The following RANBP17 variants were observed in gnomAD, a reference collection of about 807,000 sequenced individuals.
The protein encoded by RANBP17 is RAN binding protein 17.
Under a neutral mutation model 141.2 loss-of-function variants are expected in RANBP17, and 158 were observed. That is an observed-to-expected ratio of 1.12 (90% confidence interval 0.98 to 1.28). RANBP17 has a LOEUF of 1.28. Among genes scored for constraint, RANBP17 ranks in the 50% most tolerant of loss-of-function variants. RANBP17 has a pLI of 0.00. For missense variants in RANBP17, 1,438 were observed against 1,290.7 expected (o/e 1.11, Z -1.75); for synonymous variants, 430 against 450.0 (o/e 0.96, Z 0.56).
intron 11 of RANBP17, among the ~76,000 whole-genome samples, chr5:170,923,781 A>C (rs1772675274): frequency 6.6e-6 from 1 of 151,920 alleles, no homozygotes; most frequent in Non-Finnish European, 1.5e-5. Flanking sequence ...TTTAAATTTG[A>C]ATTTCTAGTT....
intron 19 of RANBP17, among the ~76,000 whole-genome samples, chr5:171,205,044 C>A (rs1762493777): frequency 6.6e-6 from 1 of 152,054 alleles, no homozygotes; most frequent in Non-Finnish European, 1.5e-5. Flanking sequence ...GGTCACTTGG[C>A]CAGTTTTATT....
rs1776760843 is a variant in RANBP17 at position 170,968,538 on chromosome 5, T to A, written c.1710+161T>A. 5.7e-6 allele frequency: 4 copies of A among 705,042 alleles called. No individual in the cohort carries two copies. The East Asian group carries it at 1.1e-4, about 20-fold the overall frequency. The allele number at this position is 705,042 out of a possible 1,614,324, so 43.7% of individuals were successfully genotyped here. ...GTGCAATGTAAAATTAAGTTGCTTG[T>A]TTTATACCTAGTTTACCATTTTCTT... On this transcript the variant is annotated intron_variant, in intron 14 of 27. Coordinates refer to ENST00000523189, the MANE Select transcript of RANBP17 (RefSeq NM_022897.5).
intron 14 of RANBP17, among the ~76,000 whole-genome samples, chr5:170,981,699 A>G (rs1777787545): frequency 6.6e-6 from 1 of 152,110 alleles, no homozygotes; most frequent in African/African-American, 2.4e-5. Flanking sequence ...AGTCTCAGGT[A>G]TGTCTTTATC....
intron 22 of RANBP17, among the ~76,000 whole-genome samples, chr5:171,226,967 A>G (rs907540276): frequency 1.3e-5 from 2 of 152,192 alleles, no homozygotes; most frequent in South Asian, 2.1e-4. Flanking sequence ...TCTCTGAGTC[A>G]TATTAATAAA....
intron 14 of RANBP17, among the ~76,000 whole-genome samples, chr5:171,056,244 C>A (rs564482654): frequency 6.6e-6 from 1 of 152,206 alleles, no homozygotes; most frequent in African/African-American, 2.4e-5. Flanking sequence ...AAAGTTTTTT[C>A]CTGTATTCTA....
At chr5:171,252,585 C>A (rs1765643541) in intron 24 of RANBP17, 3 of 1,350,854 alleles carry the variant, frequency 2.2e-6, no homozygotes, top group Non-Finnish European at 2.1e-6. Flanking sequence ...TAGCTCCACA[C>A]CTGAAGAGAT....
intron 24 of RANBP17, among the ~76,000 whole-genome samples, chr5:171,255,700 A>G (rs1212392520): frequency 6.6e-6 from 1 of 152,190 alleles, no homozygotes; most frequent in Non-Finnish European, 1.5e-5. Context: ...GAGAAAATAC[A>G]GGTATAGTAA....
chr5:171,128,049 T>C (rs1052960377), intron 14 of RANBP17, among the ~76,000 whole-genome samples: 16 of 152,118 alleles, frequency 1.1e-4, no homozygotes, highest in African/African-American at 3.9e-4. Context: ...TCCCAGCTAC[T>C]TGGGAGGCTG....
intron 14 of RANBP17, among the ~76,000 whole-genome samples, chr5:171,031,027 A>G (rs1781518017): frequency 6.6e-6 from 1 of 151,992 alleles, no homozygotes; most frequent in Admixed American, 6.6e-5. Flanking sequence ...AAACATTTCC[A>G]TATTTATAGT....
At chr5:171,202,744 G>A (rs1398395840) in intron 19 of RANBP17, among the ~76,000 whole-genome samples, 1 of 152,154 alleles carries the variant, frequency 6.6e-6, no homozygotes, top group African/African-American at 2.4e-5. Flanking sequence ...AGGTTATTAA[G>A]ATGTGTCTTC....
At chr5:171,077,722 A>G (rs1242657363) in intron 14 of RANBP17, among the ~76,000 whole-genome samples, 1 of 152,180 alleles carries the variant, frequency 6.6e-6, no homozygotes, top group Admixed American at 6.5e-5. Context: ...AAAAAACATG[A>G]ATTTTTAAGT....
At position 170,986,138 on chromosome 5, in the gene RANBP17, T is replaced by C. The variant is rs62393888; in HGVS notation, c.1710+17761T>C. On this transcript the variant is annotated intron_variant, in intron 14 of 27. Transcript: ENST00000523189. ...TAGCTTCATCTTTCATTCTCAAAAA[T>C]GTCTCTGTTTGGATGATAAATTATA... Among the ~76,000 whole-genome samples the C allele has an allele frequency of 3.0e-3, 449 of 152,188 alleles. 2 individuals are homozygous for C. Among genetic ancestry groups the C allele is most frequent in the Non-Finnish European group, 4.6e-3 (312 of 67,972 alleles).
At chr5:171,055,475 G>A (rs1783280676) in intron 14 of RANBP17, among the ~76,000 whole-genome samples, 2 of 152,062 alleles carry the variant, frequency 1.3e-5, no homozygotes, top group Non-Finnish European at 2.9e-5. Flanking sequence ...TACTTGGCCT[G>A]ATTATTTGTA....
chr5:171,253,014 T>A, intron 24 of RANBP17: 1 of 1,123,494 alleles, frequency 8.9e-7, no homozygotes, highest in Non-Finnish European at 1.4e-6. Flanking sequence ...AGAGATACTT[T>A]CTGCCGCATT....
chr5:171,246,868 C>G (rs889755068), intron 24 of RANBP17, among the ~76,000 whole-genome samples: 6 of 152,132 alleles, frequency 3.9e-5, no homozygotes, highest in Admixed American at 2.0e-4. Flanking sequence ...ACTTGACTCT[C>G]TTCATTCTCA....
At chr5:171,096,898 G>A (rs865830295) in intron 14 of RANBP17, among the ~76,000 whole-genome samples, 48 of 152,258 alleles carry the variant, frequency 3.2e-4, no homozygotes, top group African/African-American at 1.1e-3. Context: ...AAAATTGTAA[G>A]TATATGGTAG....
intron 16 of RANBP17, among the ~76,000 whole-genome samples, chr5:171,171,559 G>T (rs960141688): frequency 1.3e-5 from 2 of 151,898 alleles, no homozygotes; most frequent in Admixed American, 6.6e-5. Context: ...CTAATAAATG[G>T]TTATATAAGA....
intron 14 of RANBP17, among the ~76,000 whole-genome samples, chr5:171,137,845 T>G (rs1757418918): frequency 6.6e-6 from 1 of 151,898 alleles, no homozygotes; most frequent in Non-Finnish European, 1.5e-5. Flanking sequence ...TTATCTCTAC[T>G]TTTTTAATGT....
chr5:171,077,009 A>G (rs111277832), intron 14 of RANBP17, among the ~76,000 whole-genome samples: 4,032 of 152,218 alleles, frequency 0.026, 160 homozygotes, highest in African/African-American at 0.091. Context: ...ATCATTGGCA[A>G]TGTAGAGACA....
Sources: gnomAD v4.1 joint callset for allele counts (sites outside exome capture counted in the v4.1 genomes callset) on GRCh38, gnomAD v4.1.1 for gene constraint, MANE v1.5 for transcripts, NCBI Gene and HGNC (gene_info 2026-07-23, HGNC 2026-07-21) for gene names.